VPS13B: variants seen among roughly 807,000 people sequenced by gnomAD.
The protein encoded by VPS13B is vacuolar protein sorting 13 homolog B, also known as intermembrane lipid transfer protein VPS13B.
A neutral mutation model predicts 426.4 loss-of-function variants in VPS13B; 285 were observed. The observed-to-expected ratio is 0.67, with a 90% CI of 0.61 to 0.74. VPS13B has a LOEUF of 0.74. Among genes scored for constraint, VPS13B ranks in the 30% least tolerant of loss-of-function variants. The probability of loss-of-function intolerance (pLI) is 0.00; values close to 1 mark genes in which losing one functional copy is unlikely to be tolerated. For missense variants in VPS13B, 4,537 were observed against 4,782.6 expected, an observed-to-expected ratio of 0.95 and a Z score of 1.51; for synonymous variants, 1,676 against 1,676.4, an observed-to-expected ratio of 1.00 and a Z score of 0.01.
At chr8:99,205,020 A>C (rs1210441988) in intron 17 of VPS13B, among the ~76,000 whole-genome samples, 1 of 152,226 alleles carries the variant, frequency 6.6e-6, no homozygotes, top group African/African-American at 2.4e-5. Flanking sequence ...TACCCAAAGG[A>C]TTATAAATCA....
intron 7 of VPS13B, chr8:99,119,450 T>A (rs1299872953): frequency 6.6e-6 from 1 of 152,138 alleles, no homozygotes; most frequent in Non-Finnish European, 1.5e-5. Context: ...GAGGTGGGGG[T>A]CTCACTTTGT....
intron 31 of VPS13B, among the ~76,000 whole-genome samples, chr8:99,572,263 TAA>T (rs1825515588): frequency 6.6e-6 from 1 of 152,204 alleles, no homozygotes; most frequent in Non-Finnish European, 1.5e-5. Flanking sequence ...GCTTTCTCAA[TAA>T]TGTTTTCCAG....
intron 19 of VPS13B, among the ~76,000 whole-genome samples, chr8:99,374,283 T>A (rs1256848172): frequency 1.3e-5 from 2 of 151,956 alleles, no homozygotes; most frequent in Non-Finnish European, 2.9e-5. Flanking sequence ...TGAGCTTTTT[T>A]AATCTATTGG....
rs748137454 is a variant in VPS13B at position 99,384,273 on chromosome 8, CTCA to C, written c.2893_2895del (p.Ile965del). 3 of 1,613,840 alleles carry C rather than the reference CTCA, an allele frequency of 1.9e-6. No individual in the cohort carries two copies. The highest frequency in any genetic ancestry group is 2.5e-6 in the Non-Finnish European group (3 of 1,179,950). On this transcript the variant is annotated inframe_deletion, in exon 20 of 62. Coordinates refer to ENST00000357162, the MANE Select transcript of VPS13B (RefSeq NM_152564.5). ...TATTGACCCAATCTTATATACGTGG[CTCA>C]TCTATCAGCCTCAGAAACGAACAAG... is the stretch of plus-strand genomic sequence containing the variant.
chr8:99,840,546 G>A (rs1304625655), intron 54 of VPS13B, among the ~76,000 whole-genome samples: 46 of 152,202 alleles, frequency 3.0e-4, no homozygotes, highest in Admixed American at 3.0e-3. Flanking sequence ...ACATACTGCA[G>A]TGAATCATTA....
At chr8:99,382,996 C>T (rs546424484) in intron 19 of VPS13B, among the ~76,000 whole-genome samples, 42 of 152,228 alleles carry the variant, frequency 2.8e-4, no homozygotes, top group Non-Finnish European at 5.6e-4. Context: ...TATCCCTTCC[C>T]TTATGTTTCA....
intron 31 of VPS13B, among the ~76,000 whole-genome samples, chr8:99,571,516 T>G: frequency 6.6e-6 from 1 of 152,178 alleles, no homozygotes; most frequent in Non-Finnish European, 1.5e-5. Context: ...GTCTTTCATA[T>G]TTTGTGTTAC....
rs549350118 is a variant in VPS13B, at chr8:99,766,335, C to T, written c.7051-439C>T. ...CTGACCTCAGGTGATCTGCCCGCCT[C>T]GGCCTCCCAAAGTGCCGGGATTACA... On this transcript the variant is annotated intron_variant, in intron 39 of 61. Coordinates refer to ENST00000357162, the MANE Select transcript of VPS13B (RefSeq NM_152564.5). Among the ~76,000 whole-genome samples, 5 of 152,196 alleles carry T rather than the reference C, an allele frequency of 3.3e-5. No individual in the cohort carries two copies. In the East Asian group the frequency reaches 5.8e-4, roughly 18 times the overall value.
Position 99,115,783 on chromosome 8 carries a change from T to G in VPS13B, c.846T>G (p.Ile282Met). Residue 282 changes from isoleucine to methionine, a missense_variant, in exon 7 of 62, where the codon ATT (isoleucine) becomes ATG (methionine). Physicochemically the swap from Ile to Met is conservative, Grantham distance 10. Coordinates refer to ENST00000357162, the MANE Select transcript of VPS13B (RefSeq NM_152564.5). ...PMFIRIMQLG[I>M]ALYYGEIGNF... is the part of the protein sequence containing the mutation. ...TTATTCGTATAATGCAACTTGGAATTGCTCTTTACTATGGAGAAATAGGCA... is the reference window on the plus strand; with the variant it reads ...TTATTCGTATAATGCAACTTGGAATGGCTCTTTACTATGGAGAAATAGGCA... The G allele has an allele frequency of 6.2e-7, 1 of 1,613,728 alleles. No individual in the cohort carries two copies. Among genetic ancestry groups the G allele is most frequent in the African/African-American group, 1.3e-5 (1 of 75,044 alleles).
chr8:99,642,007 A>T lies in VPS13B; in HGVS notation c.5417A>T (p.Asn1806Ile), dbSNP rs149954671. 6.2e-7 allele frequency: 1 copy of T among 1,613,986 alleles called. No homozygotes were observed. Among genetic ancestry groups the T allele is most frequent in the African/African-American group, 1.3e-5 (1 of 74,926 alleles). ...TCACGCCAGTCATCAATTGTAAAAAATCTAAATTTTATTCCCTTTGACATA... is the reference window on the plus strand; with the variant it reads ...TCACGCCAGTCATCAATTGTAAAAATTCTAAATTTTATTCCCTTTGACATA... ...RPSRQSSIVK[N>I]LNFIPFDIFI... The change falls in exon 34 of 62, where the codon AAT becomes ATT. Residue 1806 changes from asparagine to isoleucine, a missense_variant. By Grantham distance (149) the Asn-to-Ile change is moderately radical. Coordinates refer to ENST00000357162, the MANE Select transcript of VPS13B (RefSeq NM_152564.5).
chr8:99,646,582 G>A (rs1829585274), intron 34 of VPS13B, among the ~76,000 whole-genome samples: 1 of 152,110 alleles, frequency 6.6e-6, no homozygotes, highest in African/African-American at 2.4e-5. Context: ...CTGGCCAATA[G>A]CAATTTTTGC....
intron 33 of VPS13B, among the ~76,000 whole-genome samples, chr8:99,640,064 A>G (rs199973118): frequency 0.21 from 18,967 of 92,076 alleles, 1,897 homozygotes; most frequent in East Asian, 0.37. Context: ...AAGAAAAGAA[A>G]AGAAAAGAAA....
chr8:99,843,470 C>T (rs1160479631), intron 54 of VPS13B, among the ~76,000 whole-genome samples: 1 of 152,184 alleles, frequency 6.6e-6, no homozygotes, highest in Non-Finnish European at 1.5e-5. Flanking sequence ...AAGTCTAGCA[C>T]TTCTAAGCGA....
At chr8:99,144,981 G>C (rs1201962672) in intron 13 of VPS13B, among the ~76,000 whole-genome samples, 2 of 152,182 alleles carry the variant, frequency 1.3e-5, no homozygotes, top group Non-Finnish European at 2.9e-5. Flanking sequence ...ATGATGTAAC[G>C]GAGTGAATCA....
At chr8:99,507,515 G>A (rs1163312299) in intron 28 of VPS13B, among the ~76,000 whole-genome samples, 2 of 152,104 alleles carry the variant, frequency 1.3e-5, no homozygotes, top group Non-Finnish European at 2.9e-5. Context: ...CAATTCTTAT[G>A]TGAGTTTATG....
At chr8:99,532,655 C>A (rs1012782322) in intron 30 of VPS13B, among the ~76,000 whole-genome samples, 1 of 151,812 alleles carries the variant, frequency 6.6e-6, no homozygotes, top group Non-Finnish European at 1.5e-5. Context: ...TGATAACACA[C>A]CCTCAGCCAC....
chr8:99,835,604 T>A lies in VPS13B; in HGVS notation c.9808T>A (p.Tyr3270Asn). The A allele has an allele frequency of 6.2e-7, 1 of 1,614,166 alleles. No homozygotes were observed. ...CGAGTGCTCAATTCATCATGAGCTGTATCATCAGATTTCCAGTTATCCGGA... is the reference window on the plus strand; with the variant it reads ...CGAGTGCTCAATTCATCATGAGCTGAATCATCAGATTTCCAGTTATCCGGA... ...PSECSIHHEL[Y>N]HQISSYPDCK... Residue 3270 changes from tyrosine (Y) to asparagine (N), a missense_variant, in exon 54 of 62, where the codon TAT becomes AAT. Around this residue, in one of 2 missense-constraint regions of VPS13B, gnomAD observed 4,311 missense variants for 4,474.3 expected, o/e 0.96. Transcript: ENST00000357162.
chr8:99,625,625 C>T (rs1391466088), intron 33 of VPS13B, among the ~76,000 whole-genome samples: 3 of 152,034 alleles, frequency 2.0e-5, no homozygotes, highest in Non-Finnish European at 4.4e-5. Context: ...GAAGCTGAGG[C>T]GGGCGATCAC....
At chr8:99,710,684 T>TA (rs1832674555) in intron 36 of VPS13B, among the ~76,000 whole-genome samples, 1 of 152,114 alleles carries the variant, frequency 6.6e-6, no homozygotes, top group Non-Finnish European at 1.5e-5. Context: ...TCACCACCCT[T>TA]TATTGCTATT....
Sources: allele counts gnomAD v4.1 joint callset (sites outside exome capture counted in the v4.1 genomes callset), GRCh38; gene constraint gnomAD v4.1.1; regional missense constraint gnomAD v4.1.1; transcripts MANE v1.5; gene names NCBI Gene and HGNC (gene_info 2026-07-23, HGNC 2026-07-21).